Variants in TTC17 observed in about 807,000 individuals in gnomAD.
TTC17 encodes the protein tetratricopeptide repeat protein 17.
A neutral mutation model predicts 143.8 loss-of-function variants in TTC17; 58 were observed. The observed-to-expected ratio is 0.40, with a 90% confidence interval of 0.33 to 0.50. TTC17 has a LOEUF of 0.50. Among genes scored for constraint, TTC17 ranks in the 20% least tolerant of loss-of-function variants. TTC17 has a pLI of 0.49. For missense variants in TTC17, 1,273 were observed against 1,392.5 expected (o/e 0.91, Z 1.37); for synonymous variants, 501 against 497.8 (o/e 1.01, Z -0.09).
At chr11:43,397,093 A>C (rs1857624744) in intron 6 of TTC17, 1 of 479,200 alleles carries the variant, frequency 2.1e-6, no homozygotes, top group Non-Finnish European at 3.7e-6. Context: ...ATCATAAACT[A>C]AGTTTAACTT....
chr11:43,377,411 AATCT>A (rs1291114911), intron 1 of TTC17, among the ~76,000 whole-genome samples: 1 of 152,214 alleles, frequency 6.6e-6, no homozygotes, highest in Non-Finnish European at 1.5e-5. Context: ...ATACTCTGAT[AATCT>A]AAGGAGGAGA....
chr11:43,440,110 C>T (rs939109598), intron 16 of TTC17, among the ~76,000 whole-genome samples: 1 of 152,222 alleles, frequency 6.6e-6, no homozygotes, highest in Admixed American at 6.5e-5. Flanking sequence ...TGAGATCTCT[C>T]TACAATCCAG....
At chr11:43,377,785 A>T (rs968565437) in intron 1 of TTC17, among the ~76,000 whole-genome samples, 1 of 152,206 alleles carries the variant, frequency 6.6e-6, no homozygotes, top group Admixed American at 6.5e-5. Flanking sequence ...ATCTAAAGCT[A>T]AGATTATGCT....
At chr11:43,472,492 T>C (rs1248773926) in intron 21 of TTC17, among the ~76,000 whole-genome samples, 1 of 152,208 alleles carries the variant, frequency 6.6e-6, no homozygotes, top group Non-Finnish European at 1.5e-5. Flanking sequence ...ACTAGGGATA[T>C]AGAAAGTTGT....
intron 21 of TTC17, among the ~76,000 whole-genome samples, chr11:43,469,591 T>C (rs748592824): frequency 2.6e-5 from 4 of 152,118 alleles, no homozygotes; most frequent in Non-Finnish European, 4.4e-5. Flanking sequence ...AAGAAGTTGG[T>C]AACAAAAAAA....
chr11:43,476,864 T>A (rs968979314), intron 21 of TTC17, among the ~76,000 whole-genome samples: 2 of 151,582 alleles, frequency 1.3e-5, no homozygotes, highest in African/African-American at 4.8e-5. Context: ...CTTATGCAGA[T>A]TTCTGCAGCT....
At chr11:43,408,990 A>G (rs1003942433) in intron 15 of TTC17, among the ~76,000 whole-genome samples, 6 of 151,888 alleles carry the variant, frequency 4.0e-5, no homozygotes, top group Admixed American at 1.3e-4. Flanking sequence ...CAATCCTCCC[A>G]TCTCAGCCTC....
At chr11:43,457,648 G>A (rs933490119) in intron 21 of TTC17, among the ~76,000 whole-genome samples, 4 of 152,010 alleles carry the variant, frequency 2.6e-5, no homozygotes, top group Admixed American at 6.6e-5. Flanking sequence ...TTAAAAATCA[G>A]ATAAGCATTC....
chr11:43,414,489 G>T, intron 15 of TTC17, 101 bp from the exon 16 acceptor site: 1 of 1,226,346 alleles, frequency 8.2e-7, no homozygotes, highest in Non-Finnish European at 1.1e-6. Context: ...AACGTTTATG[G>T]GGTAACCTAA....
At chr11:43,395,740 A>T (rs1281382229) in intron 5 of TTC17, among the ~76,000 whole-genome samples, 1 of 152,234 alleles carries the variant, frequency 6.6e-6, no homozygotes, top group Non-Finnish European at 1.5e-5. Flanking sequence ...AACTAAATTC[A>T]AACTATTTTT....
At chr11:43,383,334 A>G (rs1399766653) in intron 2 of TTC17, among the ~76,000 whole-genome samples, 1 of 152,106 alleles carries the variant, frequency 6.6e-6, no homozygotes, top group Non-Finnish European at 1.5e-5. Flanking sequence ...GATTCAAACC[A>G]ACTATGTATT....
chr11:43,413,998 G>A (rs927365788), intron 15 of TTC17, among the ~76,000 whole-genome samples: 3 of 152,176 alleles, frequency 2.0e-5, no homozygotes, highest in Admixed American at 2.0e-4. Context: ...AATATTCATA[G>A]TAACTTTATT....
At chr11:43,488,064 C>A (rs1948410586) in intron 21 of TTC17, among the ~76,000 whole-genome samples, 1 of 152,146 alleles carries the variant, frequency 6.6e-6, no homozygotes, top group Non-Finnish European at 1.5e-5. Flanking sequence ...GAACATAGTT[C>A]AACCCATAGC....
At chr11:43,470,232 C>G (rs1263223389) in intron 21 of TTC17, among the ~76,000 whole-genome samples, 1 of 152,204 alleles carries the variant, frequency 6.6e-6, no homozygotes, top group Non-Finnish European at 1.5e-5. Context: ...GCAGCAGCAT[C>G]AGAGGTATAC....
At chr11:43,437,897 T>TA (rs1440496017) in intron 16 of TTC17, among the ~76,000 whole-genome samples, 1 of 152,146 alleles carries the variant, frequency 6.6e-6, no homozygotes, top group Admixed American at 6.5e-5. Context: ...GTGACCCAGC[T>TA]AAAAAAAGGA....
intron 1 of TTC17, among the ~76,000 whole-genome samples, chr11:43,362,408 A>G (rs1191930432): frequency 6.6e-6 from 1 of 152,176 alleles, no homozygotes; most frequent in Admixed American, 6.5e-5. Flanking sequence ...AGCAGACAAT[A>G]AAGATAGGCA....
At chr11:43,375,682 AG>A (rs202203325) in intron 1 of TTC17, among the ~76,000 whole-genome samples, 7,639 of 152,196 alleles carry the variant, frequency 0.05, 378 homozygotes, top group East Asian at 0.27. Context: ...GTATATATGA[AG>A]AATAAGTTGC....
intron 1 of TTC17, among the ~76,000 whole-genome samples, chr11:43,375,548 A>T (rs1021026791): frequency 6.6e-6 from 1 of 152,192 alleles, no homozygotes; most frequent in Non-Finnish European, 1.5e-5. Context: ...TTAAATGAGA[A>T]TGGCATAATT....
At chr11:43,418,097 T>G (rs749928831) in intron 16 of TTC17, among the ~76,000 whole-genome samples, 1 of 152,244 alleles carries the variant, frequency 6.6e-6, no homozygotes, top group Non-Finnish European at 1.5e-5. Flanking sequence ...ACAATCACTA[T>G]GCTAAAAAAA....
Sources: gnomAD v4.1 joint callset for allele counts (sites outside exome capture counted in the v4.1 genomes callset) on GRCh38, gnomAD v4.1.1 for gene constraint, MANE v1.5 for transcripts, NCBI Gene and HGNC (gene_info 2026-07-23, HGNC 2026-07-21) for gene names.